Variants in GALM observed in about 807,000 individuals in gnomAD.
GALM encodes the protein aldose 1-epimerase.
A neutral mutation model predicts 37.4 loss-of-function variants in GALM; 43 were observed. That is an observed-to-expected ratio of 1.15 (90% CI 0.90 to 1.48). The LOEUF is 1.48. Among genes scored for constraint, GALM ranks in the 40% most tolerant of loss-of-function variants. The pLI, the probability that GALM is intolerant of heterozygous loss-of-function variation, is 0.00. For missense variants in GALM, 456 were observed against 419.1 expected, an observed-to-expected ratio of 1.09 and a Z score of -0.77; for synonymous variants, 199 against 170.6, an observed-to-expected ratio of 1.17 and a Z score of -1.30.
chr2:38,713,351 G>C (rs1295322835), intron 4 of GALM, among the ~76,000 whole-genome samples: 5 of 152,076 alleles, frequency 3.3e-5, no homozygotes, highest in Non-Finnish European at 4.4e-5. Flanking sequence ...TGATCCTAAC[G>C]GCAGATCTAG....
intron 2 of GALM, among the ~76,000 whole-genome samples, chr2:38,681,016 A>T (rs1665380122): frequency 6.6e-6 from 1 of 151,888 alleles, no homozygotes; most frequent in Non-Finnish European, 1.5e-5. Context: ...CATGCCTGTA[A>T]TCATACTCGG....
At chr2:38,729,740 C>T in intron 5 of GALM, 43 bp downstream of exon 5, 1 of 1,540,436 alleles carries the variant, frequency 6.5e-7, no homozygotes, top group Non-Finnish European at 8.9e-7. Context: ...GAAGAAATGA[C>T]ACCAAGTCCT....
At chr2:38,724,538 C>T (rs368246935) in intron 4 of GALM, among the ~76,000 whole-genome samples, 1 of 152,144 alleles carries the variant, frequency 6.6e-6, no homozygotes, top group African/African-American at 2.4e-5. Context: ...GGACAAATTC[C>T]ACATTTTCCA....
rs1324056939 is a variant in GALM at position 38,693,033 on chromosome 2, T to C, written c.634+3139T>C. On this transcript the variant is annotated intron_variant, in intron 4 of 6. Transcript: ENST00000272252. ...CCAGGCTCTGTGGAACTGCAATCCC[T>C]AGGGTGGCCCTGGGTGGCCCCAGGC... Among the ~76,000 whole-genome samples, 3 of 152,104 alleles carry C rather than the reference T, an allele frequency of 2.0e-5. 1 individual carries two copies. Among genetic ancestry groups the C allele is most frequent in the Admixed American group, 2.0e-4 (3 of 15,266 alleles).
At chr2:38,719,885 C>A (rs1478535092) in intron 4 of GALM, among the ~76,000 whole-genome samples, 1 of 151,664 alleles carries the variant, frequency 6.6e-6, no homozygotes, top group Non-Finnish European at 1.5e-5. Flanking sequence ...AGGAATTTCA[C>A]TTTCCTTGCA....
chr2:38,699,291 C>T (rs1665871120), intron 4 of GALM, among the ~76,000 whole-genome samples: 2 of 152,276 alleles, frequency 1.3e-5, no homozygotes, highest in South Asian at 2.1e-4. Context: ...TACATATTTA[C>T]AGGGTACACT....
At position 38,713,682 on chromosome 2, in the gene GALM, T is replaced by C. The variant is rs556814619; in HGVS notation, c.635-15874T>C. ...ACTTTGGGAGGCCAAGACAGAAGGATTGCTTGAGCTCATGAGTTTGAGACC... is the reference window on the plus strand; with the variant it reads ...ACTTTGGGAGGCCAAGACAGAAGGACTGCTTGAGCTCATGAGTTTGAGACC... On this transcript the variant is annotated intron_variant, in intron 4 of 6. Transcript: ENST00000272252. Among the ~76,000 whole-genome samples the C allele has an allele frequency of 4.6e-5, 7 of 152,198 alleles. No individual in the cohort carries two copies. In the East Asian group the frequency reaches 9.7e-4, roughly 21 times the overall value.
intron 3 of GALM, among the ~76,000 whole-genome samples, chr2:38,686,239 T>TTCTTCCTTTCTTC (rs1558582023): frequency 1.6e-4 from 15 of 91,604 alleles, no homozygotes; most frequent in African/African-American, 9.2e-4. Flanking sequence ...TTTCTTTCTT[T>TTCTTCCTTTCTTC]CTTTCTTTCT....
At chr2:38,700,271 A>G (rs1235094749) in intron 4 of GALM, among the ~76,000 whole-genome samples, 1 of 152,124 alleles carries the variant, frequency 6.6e-6, no homozygotes. Context: ...GTTTAAATCT[A>G]GTGTTTTGTT....
rs891180291 is a variant in GALM, at chr2:38,733,997, T to C, written c.*432T>C. On this transcript the variant is annotated 3_prime_UTR_variant, in exon 7 of 7. Transcript: ENST00000272252. Reference sequence around the variant, plus strand: ...ACTCTGGAGTTTTCAAATGTCACATTAGCCTCACCCTGCATGCTAGGAGAT... The same window carrying C: ...ACTCTGGAGTTTTCAAATGTCACATCAGCCTCACCCTGCATGCTAGGAGAT... 1.1e-5 allele frequency: 3 copies of C among 261,326 alleles called. No individual in the cohort carries two copies. The highest frequency in any genetic ancestry group is 1.7e-4 in the East Asian group (2 of 11,716). The allele number at this position is 261,326 out of a possible 1,614,324, so 16.2% of individuals were successfully genotyped here. A position where few individuals can be genotyped will look rare whatever the true frequency, so the allele number is the denominator to read the frequency against.
At chr2:38,721,753 G>A (rs1282452396) in intron 4 of GALM, among the ~76,000 whole-genome samples, 1 of 151,936 alleles carries the variant, frequency 6.6e-6, no homozygotes, top group Non-Finnish European at 1.5e-5. Flanking sequence ...TGGGCTCAAG[G>A]GATCTGCCCT....
At chr2:38,731,043 T>G (rs1242948289) in intron 5 of GALM, among the ~76,000 whole-genome samples, 4 of 151,500 alleles carry the variant, frequency 2.6e-5, no homozygotes, top group African/African-American at 9.7e-5. Flanking sequence ...TGGGCCAACA[T>G]GATGAAACCC....
chr2:38,730,129 T>G (rs1212288690), intron 5 of GALM, among the ~76,000 whole-genome samples: 1 of 152,252 alleles, frequency 6.6e-6, no homozygotes, highest in African/African-American at 2.4e-5. Flanking sequence ...TAGACACTTG[T>G]GTGCACGCTC....
chr2:38,728,758 T>C (rs1306058736), intron 4 of GALM, among the ~76,000 whole-genome samples: 1 of 152,210 alleles, frequency 6.6e-6, no homozygotes, highest in Non-Finnish European at 1.5e-5. Flanking sequence ...CAGAGCCCTT[T>C]TCTTTTCCTC....
intron 4 of GALM, among the ~76,000 whole-genome samples, chr2:38,718,580 T>A (rs1666314977): frequency 6.6e-6 from 1 of 151,966 alleles, no homozygotes. Flanking sequence ...CTAGGAAGTC[T>A]ATGTCAGATT....
chr2:38,729,660 T>C lies in GALM; in HGVS notation c.739T>C (p.Cys247Arg). The C allele has an allele frequency of 1.9e-6, 3 of 1,613,584 alleles. No individual in the cohort carries two copies. Among genetic ancestry groups the C allele is most frequent in the Non-Finnish European group, 2.5e-6 (3 of 1,179,602 alleles). Residue 247 changes from cysteine (C) to arginine (R), a missense_variant, in exon 5 of 7, where the codon TGT (cysteine) becomes CGT (arginine). Cys to Arg is a radical substitution (Grantham distance 180). Transcript: ENST00000272252. ...FHLNGFDHNF[C>R]LKGSKEKHFC... Reference sequence around the variant, plus strand: ...TCTCAATGGTTTTGACCACAATTTCTGTCTGAAGGGATCTAAAGAAAAGCA... The same window carrying C: ...TCTCAATGGTTTTGACCACAATTTCCGTCTGAAGGGATCTAAAGAAAAGCA...
intron 4 of GALM, among the ~76,000 whole-genome samples, chr2:38,709,233 G>A (rs1666103596): frequency 6.6e-6 from 1 of 152,148 alleles, no homozygotes; most frequent in Non-Finnish European, 1.5e-5. Context: ...AGGGGAGCAG[G>A]TCTAGCAGGA....
chr2:38,667,959 T>C (rs1276670330), intron 1 of GALM, among the ~76,000 whole-genome samples: 1 of 152,210 alleles, frequency 6.6e-6, no homozygotes, highest in African/African-American at 2.4e-5. Flanking sequence ...AAATGCTGCA[T>C]GGGGAGGCCA....
intron 5 of GALM, among the ~76,000 whole-genome samples, chr2:38,731,054 C>T (rs1383116004): frequency 2.0e-5 from 3 of 151,912 alleles, no homozygotes; most frequent in Non-Finnish European, 2.9e-5. Flanking sequence ...GATGAAACCC[C>T]GACAATACTA....
Sources: gnomAD v4.1 joint callset for allele counts (sites outside exome capture counted in the v4.1 genomes callset) on GRCh38, gnomAD v4.1.1 for gene constraint, MANE v1.5 for transcripts, NCBI Gene and HGNC (gene_info 2026-07-23, HGNC 2026-07-21) for gene names.